SUFU: variants seen among roughly 807,000 people sequenced by gnomAD.
The protein encoded by SUFU is SUFU negative regulator of hedgehog signaling, also known as suppressor of fused homolog.
A neutral mutation model predicts 58.9 loss-of-function variants in SUFU; 7 were observed. The observed-to-expected ratio is 0.12, with a 90% CI of 0.07 to 0.22. The LOEUF is 0.22. SUFU is among the 10% of genes least tolerant of loss of function. SUFU has a pLI of 1.00. For missense variants in SUFU, 451 were observed against 641.3 expected, an observed-to-expected ratio of 0.70 and a Z score of 3.20; for synonymous variants, 232 against 254.8, an observed-to-expected ratio of 0.91 and a Z score of 0.85.
intron 3 of SUFU, among the ~76,000 whole-genome samples, chr10:102,577,280 C>T (rs575559376): frequency 3.3e-5 from 5 of 152,070 alleles, no homozygotes; most frequent in African/African-American, 1.2e-4. Context: ...GACAGGGTTT[C>T]ACCATGTTGG....
intron 3 of SUFU, among the ~76,000 whole-genome samples, chr10:102,586,345 A>G (rs1564693648): frequency 6.6e-6 from 1 of 152,164 alleles, no homozygotes; most frequent in Non-Finnish European, 1.5e-5. Context: ...ATGATTTGCA[A>G]ATATTTTCTC....
intron 8 of SUFU, among the ~76,000 whole-genome samples, chr10:102,614,255 C>T (rs2063658190): frequency 6.6e-6 from 1 of 152,168 alleles, no homozygotes; most frequent in Admixed American, 6.5e-5. Flanking sequence ...GTGCCATAAA[C>T]TTTAATATAG....
intron 3 of SUFU, among the ~76,000 whole-genome samples, chr10:102,583,912 T>C (rs1437407915): frequency 6.6e-6 from 1 of 152,168 alleles, no homozygotes; most frequent in Non-Finnish European, 1.5e-5. Flanking sequence ...GGTATGTTTC[T>C]ACAGACTAGA....
Position 102,627,943 on chromosome 10 carries a change from C to T in SUFU, c.1365+700C>T, listed in dbSNP as rs554998619. ...TCCCTTCCCCTCCCCCGCTCCTGCCCGCAGCACCCCAGTGGGATGGGAGCT... is the reference window on the plus strand; with the variant it reads ...TCCCTTCCCCTCCCCCGCTCCTGCCTGCAGCACCCCAGTGGGATGGGAGCT... On this transcript the variant is annotated intron_variant, in intron 11 of 11. Transcript: ENST00000369902. 5.3e-5 allele frequency among the ~76,000 whole-genome samples: 8 copies of T among 152,310 alleles called. No homozygotes were observed. In the South Asian group the frequency reaches 1.0e-3, roughly 20 times the overall value.
At chr10:102,512,998 T>G (rs927364507) in intron 2 of SUFU, among the ~76,000 whole-genome samples, 2 of 151,794 alleles carry the variant, frequency 1.3e-5, no homozygotes, top group African/African-American at 4.8e-5. Context: ...AGCCTGGGAG[T>G]TTGAAGCTGC....
chr10:102,619,032 G>A lies in SUFU; in HGVS notation c.1296+1604G>A, dbSNP rs2135939164. Reference sequence around the variant, plus strand: ...GTCGGGACTGGGGCCTCCCCAAACTGCAGAATCTACCCAGTTATGTTTGAC... The same window carrying A: ...GTCGGGACTGGGGCCTCCCCAAACTACAGAATCTACCCAGTTATGTTTGAC... On this transcript the variant is annotated intron_variant, in intron 10 of 11. Coordinates refer to ENST00000369902, the MANE Select transcript of SUFU (RefSeq NM_016169.4). This position sits in a 1 kb window ranked among gnomAD's most constrained non-coding sequence, Gnocchi z 4.2. The A allele has an allele frequency of 6.2e-7, 1 of 1,608,516 alleles. No individual in the cohort carries two copies. Among genetic ancestry groups the A allele is most frequent in the Non-Finnish European group, 8.5e-7 (1 of 1,178,102 alleles).
At chr10:102,560,332 G>T (rs1436354295) in intron 3 of SUFU, among the ~76,000 whole-genome samples, 4 of 152,156 alleles carry the variant, frequency 2.6e-5, no homozygotes, top group Admixed American at 2.6e-4. Context: ...CACTTTGGGA[G>T]GCTGAGATGG....
chr10:102,526,838 C>T (rs2062613522), intron 2 of SUFU, among the ~76,000 whole-genome samples: 1 of 152,048 alleles, frequency 6.6e-6, no homozygotes, highest in Non-Finnish European at 1.5e-5. Context: ...TATAAAGGCC[C>T]TGAGGGCAGC....
intron 1 of SUFU, among the ~76,000 whole-genome samples, chr10:102,507,736 C>T (rs750014472): frequency 6.6e-6 from 1 of 152,216 alleles, no homozygotes; most frequent in Non-Finnish European, 1.5e-5. Context: ...ACTGGGATCA[C>T]TTGTAACATG....
At chr10:102,609,141 GTTAT>G (rs2063594822) in intron 8 of SUFU, among the ~76,000 whole-genome samples, 2 of 152,190 alleles carry the variant, frequency 1.3e-5, no homozygotes, top group Non-Finnish European at 2.9e-5. Flanking sequence ...TCTTGGGCTA[GTTAT>G]TTAAGTTTCT....
chr10:102,583,054 G>T (rs968824376), intron 3 of SUFU, among the ~76,000 whole-genome samples: 8 of 152,178 alleles, frequency 5.3e-5, no homozygotes, highest in African/African-American at 1.7e-4. Flanking sequence ...GGGGCCAAGA[G>T]CTTCCCAGGG....
intron 2 of SUFU, among the ~76,000 whole-genome samples, chr10:102,510,052 G>A (rs539345040): frequency 2.6e-5 from 4 of 151,786 alleles, no homozygotes; most frequent in African/African-American, 9.7e-5. Flanking sequence ...TGTTGCCCAG[G>A]CTGGTCTCAA....
At chr10:102,505,187 G>A (rs2062309672) in intron 1 of SUFU, among the ~76,000 whole-genome samples, 1 of 152,170 alleles carries the variant, frequency 6.6e-6, no homozygotes, top group Non-Finnish European at 1.5e-5. Context: ...GGAGCTTCTC[G>A]GCCATGGCCT....
chr10:102,596,890 C>T (rs2063467989), intron 6 of SUFU, among the ~76,000 whole-genome samples: 1 of 152,104 alleles, frequency 6.6e-6, no homozygotes, highest in African/African-American at 2.4e-5. Context: ...AGATGTTTCC[C>T]TTGGGATTTG....
At chr10:102,588,386 CTG>C (rs1242495077) in intron 3 of SUFU, among the ~76,000 whole-genome samples, 1 of 142,160 alleles carries the variant, frequency 7.0e-6, no homozygotes, top group Non-Finnish European at 1.5e-5. Flanking sequence ...GAGCAAGACT[CTG>C]TCTCAAAAAA....
intron 8 of SUFU, among the ~76,000 whole-genome samples, chr10:102,607,930 AGAAAG>A (rs1442688492): frequency 1.3e-5 from 2 of 150,854 alleles, no homozygotes; most frequent in Non-Finnish European, 3.0e-5. Context: ...AAAAAAGAAA[AGAAAG>A]AAAAGAAAAG....
Position 102,631,641 on chromosome 10 carries a change from C to T in SUFU, c.*1486C>T, listed in dbSNP as rs1328985545. The T allele has an allele frequency of 4.3e-6, 1 of 233,410 alleles. No homozygotes were observed. The highest frequency in any genetic ancestry group is 8.5e-6 in the Non-Finnish European group (1 of 118,240). 14.5% of individuals were successfully genotyped at this position (233,410 alleles called of 1,614,324 possible). On this transcript the variant is annotated 3_prime_UTR_variant, in exon 12 of 12. Transcript: ENST00000369902. Reference sequence around the variant, plus strand: ...CACACAGGCACCAGCAGGGATGCCACAGGAGTGCCCACAGGGTGCAGGACT... The same window carrying T: ...CACACAGGCACCAGCAGGGATGCCATAGGAGTGCCCACAGGGTGCAGGACT...
chr10:102,590,573 T>C (rs185559526), intron 3 of SUFU, among the ~76,000 whole-genome samples: 1 of 152,310 alleles, frequency 6.6e-6, no homozygotes, highest in East Asian at 1.9e-4. Context: ...TTTTTTCTTG[T>C]CTTACCTTTG....
chr10:102,518,242 G>A (rs1284394278), intron 2 of SUFU, among the ~76,000 whole-genome samples: 1 of 152,108 alleles, frequency 6.6e-6, no homozygotes, highest in Non-Finnish European at 1.5e-5. Flanking sequence ...TAAGGAAACT[G>A]AGATGCAGAA....
Sources: allele counts gnomAD v4.1 joint callset (sites outside exome capture counted in the v4.1 genomes callset), GRCh38; gene constraint gnomAD v4.1.1; non-coding constraint Gnocchi (gnomAD v3.1); transcripts MANE v1.5; gene names NCBI Gene and HGNC (gene_info 2026-07-23, HGNC 2026-07-21).